ALKBH1: variants seen among roughly 807,000 people sequenced by gnomAD.
ALKBH1 encodes alkB homolog 1, histone H2A dioxygenase, also known as nucleic acid dioxygenase ALKBH1.
Under a neutral mutation model 36.6 loss-of-function variants are expected in ALKBH1, and 31 were observed. The ratio of observed to expected loss-of-function variants is 0.85; its 90% CI spans 0.64 to 1.14. The LOEUF is 1.14. ALKBH1 is among the 50% of genes most tolerant of loss of function. The pLI is 0.00. For synonymous variants in ALKBH1, 183 were observed against 186.6 expected (o/e 0.98, Z 0.16); for missense variants, 490 against 497.3 (o/e 0.99, Z 0.14).
rs763052672 is a variant in ALKBH1 at position 77,704,483 on chromosome 14, A to C, written c.184-6T>G. The stretch of plus-strand genomic sequence containing the variant: ...TTTAGCTGAGATTTGATCACCTGGC[A>C]GGAAGGAAACAGAAGTTAAAGGACT... On this transcript the variant is annotated splice_region_variant and splice_polypyrimidine_tract_variant and intron_variant, in intron 1 of 5. Transcript: ENST00000216489. The C allele has an allele frequency of 8.7e-6, 14 of 1,611,624 alleles. No individual in the cohort carries two copies. Among genetic ancestry groups the C allele is most frequent in the Non-Finnish European group, 1.2e-5 (14 of 1,177,776 alleles).
At chr14:77,680,062 A>G (rs1002567407) in intron 3 of ALKBH1, 92 bp from the exon 4 acceptor site, 2 of 966,298 alleles carry the variant, frequency 2.1e-6, no homozygotes, top group African/African-American at 1.6e-5. Flanking sequence ...TTAGTATTAC[A>G]TGGTATAAGC....
At position 77,694,881 on chromosome 14, in the gene ALKBH1, G is replaced by A. The variant is rs772954642; in HGVS notation, c.312C>T (p.Asn104=). 6.4e-7 allele frequency: 1 copy of A among 1,562,014 alleles called. No individual in the cohort carries two copies. Among genetic ancestry groups the A allele is most frequent in the Non-Finnish European group, 8.6e-7 (1 of 1,159,414 alleles). Residue 104 remains asparagine, a synonymous_variant, in exon 3 of 6, where the codon AAC becomes AAT. Coordinates refer to ENST00000216489, the MANE Select transcript of ALKBH1 (RefSeq NM_006020.3). ...GCCACTGGTAACCTGGGAGGAAGGG[G>A]TTTGGGATAAAAATAAACCCTATAC... ...KGYPGFIFIP[N]PFLPGYQWHW...
At position 77,681,478 on chromosome 14, in the gene ALKBH1, C is replaced by T. The variant is rs1392982623; in HGVS notation, c.456-1508G>A. Among the ~76,000 whole-genome samples the T allele has an allele frequency of 4.6e-5, 7 of 152,150 alleles. No homozygotes were observed. In the East Asian group the frequency reaches 5.8e-4, roughly 13 times the overall value. On this transcript the variant is annotated intron_variant, in intron 3 of 5. Transcript: ENST00000216489. ...CAGTGGCACTCATCTTGATGTTTGA[C>T]GAAGAGTTTACAGAATAGATGCTAT...
At chr14:77,689,811 CTAAGT>C (rs2080287635) in intron 3 of ALKBH1, among the ~76,000 whole-genome samples, 2 of 151,728 alleles carry the variant, frequency 1.3e-5, no homozygotes, top group East Asian at 3.9e-4. Flanking sequence ...ACAAATAAAG[CTAAGT>C]TGTTATTTGG....
In ALKBH1 at chr14:77,672,574, T is replaced by C. The variant is rs1215759421; in HGVS notation, c.*1238A>G. 6.6e-6 allele frequency: 1 copy of C among 152,164 alleles called. No homozygotes were observed. Among genetic ancestry groups the C allele is most frequent in the African/African-American group, 2.4e-5 (1 of 41,442 alleles). 9.4% of individuals were successfully genotyped at this position (152,164 alleles called of 1,614,324 possible). A position where few individuals can be genotyped will look rare whatever the true frequency, so the allele number is the denominator to read the frequency against. On this transcript the variant is annotated 3_prime_UTR_variant, in exon 6 of 6. Coordinates refer to ENST00000216489, the MANE Select transcript of ALKBH1 (RefSeq NM_006020.3). Reference sequence around the variant, plus strand: ...TACCAAATGGGCTTCCAGCCAGTCCTCCACACAAGGAAGTTAGGATGTTTC... The same window carrying C: ...TACCAAATGGGCTTCCAGCCAGTCCCCCACACAAGGAAGTTAGGATGTTTC...
intron 2 of ALKBH1, among the ~76,000 whole-genome samples, chr14:77,703,031 A>G (rs1414350282): frequency 1.3e-5 from 2 of 151,998 alleles, no homozygotes; most frequent in Non-Finnish European, 2.9e-5. Flanking sequence ...ATATACCTGT[A>G]GTCTCAGCTA....
chr14:77,701,722 T>C (rs569088916), intron 2 of ALKBH1, among the ~76,000 whole-genome samples: 2 of 152,136 alleles, frequency 1.3e-5, no homozygotes, highest in African/African-American at 2.4e-5. Context: ...ATTTTGGACA[T>C]TATATTTCTA....
intron 2 of ALKBH1, among the ~76,000 whole-genome samples, chr14:77,698,166 T>C (rs927218391): frequency 2.0e-4 from 30 of 152,194 alleles, no homozygotes; most frequent in African/African-American, 6.3e-4. Context: ...AGGGTAGTTT[T>C]TGGTTTTTAA....
chr14:77,688,698 A>C (rs976976371), intron 3 of ALKBH1, among the ~76,000 whole-genome samples: 1 of 151,478 alleles, frequency 6.6e-6, no homozygotes, highest in African/African-American at 2.4e-5. Context: ...CAGCTTCCCT[A>C]GTAGCTGGGA....
chr14:77,702,463 A>G (rs970338538), intron 2 of ALKBH1, among the ~76,000 whole-genome samples: 1 of 152,124 alleles, frequency 6.6e-6, no homozygotes, highest in East Asian at 1.9e-4. Flanking sequence ...TTCGGTGGTC[A>G]TAACGTATTA....
At chr14:77,694,474 T>C (rs10147704) in intron 3 of ALKBH1, among the ~76,000 whole-genome samples, 2,757 of 152,316 alleles carry the variant, frequency 0.018, 94 homozygotes, top group African/African-American at 0.064. Flanking sequence ...ATGGATCATG[T>C]GATGATTAAT....
At chr14:77,707,211 C>T (rs560447901) in intron 1 of ALKBH1, among the ~76,000 whole-genome samples, 2 of 152,184 alleles carry the variant, frequency 1.3e-5, no homozygotes, top group African/African-American at 2.4e-5. Flanking sequence ...CTCCGAAGTG[C>T]GGGATTACAG....
intron 2 of ALKBH1, among the ~76,000 whole-genome samples, chr14:77,700,505 C>A (rs181468065): frequency 6.6e-6 from 1 of 152,188 alleles, no homozygotes; most frequent in East Asian, 1.9e-4. Flanking sequence ...TAAAGTAGCT[C>A]CAAAATACAT....
intron 3 of ALKBH1, among the ~76,000 whole-genome samples, chr14:77,681,808 G>C (rs1028888100): frequency 1.3e-5 from 2 of 152,204 alleles, no homozygotes; most frequent in African/African-American, 4.8e-5. Flanking sequence ...CTGCCTACAT[G>C]ACAAGCTCCT....
rs146833009 is a variant in ALKBH1 at position 77,707,606 on chromosome 14, C to T, written c.183+216G>A. On this transcript the variant is annotated intron_variant, in intron 1 of 5. Transcript: ENST00000216489. Reference sequence around the variant, plus strand: ...ATTCCCAGGCTCTTTTGACTGAGCGCCCCCGCCAGGAATGGCCGCCTAAAG... The same window carrying T: ...ATTCCCAGGCTCTTTTGACTGAGCGTCCCCGCCAGGAATGGCCGCCTAAAG... Among the ~76,000 whole-genome samples, 1,273 of 152,274 alleles carry T rather than the reference C, an allele frequency of 8.4e-3. 13 individuals are homozygous for T. The highest frequency in any genetic ancestry group is 0.029 in the African/African-American group (1,216 of 41,546).
Position 77,674,110 on chromosome 14 carries a change from C to G in ALKBH1, c.872G>C (p.Arg291Pro). 6.2e-7 allele frequency: 1 copy of G among 1,614,050 alleles called. No homozygotes were observed. Among genetic ancestry groups the G allele is most frequent in the Non-Finnish European group, 8.5e-7 (1 of 1,180,022 alleles). ...TTCCCCTTCTGGATTTGGAAGGACACGAGGGACTGCGTGGTTCAAGAGGCG... is the reference window on the plus strand; with the variant it reads ...TTCCCCTTCTGGATTTGGAAGGACAGGAGGGACTGCGTGGTTCAAGAGGCG... The part of the protein sequence containing the change: ...FSRLLNHAVP[R>P]VLPNPEGEGL... The change falls in exon 6 of 6, where the codon CGT (arginine) becomes CCT (proline). Residue 291 changes from arginine (R) to proline (P), a missense_variant. Arg to Pro is a moderately radical substitution (Grantham distance 103). Coordinates refer to ENST00000216489, the MANE Select transcript of ALKBH1 (RefSeq NM_006020.3).
At chr14:77,691,501 T>C (rs2080296968) in intron 3 of ALKBH1, among the ~76,000 whole-genome samples, 1 of 152,166 alleles carries the variant, frequency 6.6e-6, no homozygotes, top group South Asian at 2.1e-4. Context: ...CTGCCCATGA[T>C]TCAATTACCT....
intron 2 of ALKBH1, among the ~76,000 whole-genome samples, chr14:77,695,771 C>T (rs2080323462): frequency 6.6e-6 from 1 of 152,198 alleles, no homozygotes; most frequent in Non-Finnish European, 1.5e-5. Flanking sequence ...GTGACCTTGA[C>T]AGCAACCTAA....
rs1378132220 is a variant in ALKBH1 at position 77,704,464 on chromosome 14, T to C, written c.197A>G (p.Gln66Arg). 5 of 1,613,864 alleles carry C rather than the reference T, an allele frequency of 3.1e-6. No individual in the cohort carries two copies. The Admixed American group carries it at 8.3e-5, about 27-fold the overall frequency. The change falls in exon 2 of 6, where the codon CAG (glutamine) becomes CGG (arginine). Residue 66 changes from glutamine to arginine, a missense_variant. Transcript: ENST00000216489. ...CTCACTGACAGAAGACACATTTAGC[T>C]GAGATTTGATCACCTGGCAGGAAGG... Reference protein sequence around the residue: ...GPGAQKVIKSQLNVSSVSEQN... With the variant: ...GPGAQKVIKSRLNVSSVSEQN...
Sources: allele counts gnomAD v4.1 joint callset (sites outside exome capture counted in the v4.1 genomes callset), GRCh38; gene constraint gnomAD v4.1.1; transcripts MANE v1.5; gene names NCBI Gene and HGNC (gene_info 2026-07-23, HGNC 2026-07-21).